UBE2M: variants seen among roughly 807,000 people sequenced by gnomAD.
UBE2M encodes NEDD8-conjugating enzyme Ubc12.
In UBE2M, 2 loss-of-function variants were observed where a neutral mutation model predicts 23.5. The ratio of observed to expected loss-of-function variants is 0.09; its 90% CI spans 0.03 to 0.27. UBE2M has a LOEUF of 0.27. UBE2M is among the 10% of genes least tolerant of loss of function. UBE2M has a pLI of 1.00. For synonymous variants in UBE2M, 97 were observed against 95.2 expected (o/e 1.02, Z -0.11); for missense variants, 103 against 232.9 (o/e 0.44, Z 3.63).
Position 58,556,678 on chromosome 19 carries a change from T to TG in UBE2M, c.347+8dup. On this transcript the variant is annotated intron_variant, in intron 4 of 5. Transcript: ENST00000253023. This position sits in a 1 kb window ranked among gnomAD's most constrained non-coding sequence, Gnocchi z 4.9. ...GCTGAGGAGGGCATTAGAGGGCCAG[T>TG]GTCCTCACCTGAGGATGTTGAGGCA... The TG allele has an allele frequency of 6.6e-7, 1 of 1,521,788 alleles. No individual in the cohort carries two copies. The highest frequency in any genetic ancestry group is 8.8e-7 in the Non-Finnish European group (1 of 1,137,170). 94.3% of individuals were successfully genotyped at this position (1,521,788 alleles called of 1,614,324 possible). A position where few individuals can be genotyped will look rare whatever the true frequency, so the allele number is the denominator to read the frequency against.
Position 58,556,203 on chromosome 19 carries a change from G to A in UBE2M, c.438C>T (p.Asn146=), listed in dbSNP as rs367545229. 13 of 1,614,066 alleles carry A rather than the reference G, an allele frequency of 8.1e-6. No homozygotes were observed. In the African/African-American group the frequency reaches 1.6e-4, roughly 20 times the overall value. ...FLEPNPEDPL[N]KEAAEVLQNN... is the part of the protein sequence containing the mutation. The stretch of plus-strand genomic sequence containing the variant: ...TCTGCAGGACCTCTGCGGCCTCCTT[G>A]TTCAGTGGGTCCTCGGGGTTGGGCT... The change falls in exon 6 of 6, where the codon AAC becomes AAT. Residue 146 remains asparagine, a synonymous_variant. Transcript: ENST00000253023. This position sits in a 1 kb window ranked among gnomAD's most constrained non-coding sequence, Gnocchi z 4.9.
Position 58,558,193 on chromosome 19 carries a change from C to A in UBE2M, c.109+80G>T. ...CTCTGACCCTCAGCAACCGCATTAC[C>A]CCTTCCTGACTCCCACATCACCCTG... On this transcript the variant is annotated intron_variant, in intron 1 of 5. Coordinates refer to ENST00000253023, the MANE Select transcript of UBE2M (RefSeq NM_003969.4). This position sits in a 1 kb window ranked among gnomAD's most constrained non-coding sequence, Gnocchi z 4.7. 4.0e-6 allele frequency: 5 copies of A among 1,260,354 alleles called. No homozygotes were observed. Among genetic ancestry groups the A allele is most frequent in the Non-Finnish European group, 5.5e-6 (5 of 909,490 alleles). 78.1% of individuals were successfully genotyped at this position (1,260,354 alleles called of 1,614,324 possible).
In UBE2M at chr19:58,557,102, G is replaced by A. The variant is rs762655181; in HGVS notation, c.165C>T (p.Asp55=). The change falls in exon 2 of 6, where the codon GAC becomes GAT. Residue 55 remains aspartate (D), a synonymous_variant. Coordinates refer to ENST00000253023, the MANE Select transcript of UBE2M (RefSeq NM_003969.4). ...TGACCAGCTTGAAGTTGAGGAGGTC[G>A]TCTGGATCTGAGAAGCTGATATCAC... ...KTCDISFSDP[D]DLLNFKLVIC... is the part of the protein sequence containing the mutation. 1.9e-6 allele frequency: 3 copies of A among 1,613,994 alleles called. No homozygotes were observed. The highest frequency in any genetic ancestry group is 3.3e-5 in the Admixed American group (2 of 60,006).
intron 1 of UBE2M, among the ~76,000 whole-genome samples, chr19:58,557,645 C>A (rs1028868641): frequency 6.7e-6 from 1 of 150,280 alleles, no homozygotes; most frequent in African/African-American, 2.5e-5. Flanking sequence ...ACTCTCAAGT[C>A]CCCAACCCCC....
Position 58,555,982 on chromosome 19 carries a change from G to A in UBE2M, c.*107C>T. 6.9e-7 allele frequency: 1 copy of A among 1,459,524 alleles called. No individual in the cohort carries two copies. Among genetic ancestry groups the A allele is most frequent in the Non-Finnish European group, 9.2e-7 (1 of 1,090,534 alleles). The allele number at this position is 1,459,524 out of a possible 1,614,324, so 90.4% of individuals were successfully genotyped here. A position where few individuals can be genotyped will look rare whatever the true frequency, so the allele number is the denominator to read the frequency against. ...GAAGGGGAGGCAAGGCCAAGGCAGG[G>A]GATTCCCCCACCGGCCGCCCCCCAA... On this transcript the variant is annotated 3_prime_UTR_variant, in exon 6 of 6. Coordinates refer to ENST00000253023, the MANE Select transcript of UBE2M (RefSeq NM_003969.4).
chr19:58,556,513 G>T lies in UBE2M; in HGVS notation c.348-134C>A. ...AGGCTGGGAGGGAGGGTGTGGAGCA[G>T]GACAGGCCAAGGAGAAAACCAAGGT... On this transcript the variant is annotated intron_variant, in intron 4 of 5. Transcript: ENST00000253023. The surrounding 1 kb of genome is among the most constrained non-coding windows in gnomAD (Gnocchi z 4.9). 8.9e-7 allele frequency: 1 copy of T among 1,127,468 alleles called. No homozygotes were observed. The highest frequency in any genetic ancestry group is 1.3e-6 in the Non-Finnish European group (1 of 789,766). 69.8% of individuals were successfully genotyped at this position (1,127,468 alleles called of 1,614,324 possible). A position where few individuals can be genotyped will look rare whatever the true frequency, so the allele number is the denominator to read the frequency against.
rs2053885123 is a variant in UBE2M at position 58,555,794 on chromosome 19, G to A, written c.*295C>T. On this transcript the variant is annotated 3_prime_UTR_variant, in exon 6 of 6. Transcript: ENST00000253023. ...TGCCTGGGCCCAGCTACCCAGGCCC[G>A]TTGCCCACCCACTCCACAGCCCAGA... The A allele has an allele frequency of 7.0e-6, 3 of 431,338 alleles. No individual in the cohort carries two copies. The highest frequency in any genetic ancestry group is 4.0e-5 in the East Asian group (1 of 24,916). 26.7% of individuals were successfully genotyped at this position (431,338 alleles called of 1,614,324 possible). A position where few individuals can be genotyped will look rare whatever the true frequency, so the allele number is the denominator to read the frequency against.
chr19:58,558,312 T>C lies in UBE2M; in HGVS notation c.70A>G (p.Ser24Gly), dbSNP rs1446903177. Residue 24 changes from serine (S) to glycine (G), a missense_variant, in exon 1 of 6, where the codon AGC (serine) becomes GGC (glycine). By Grantham distance (56) the Ser-to-Gly change is moderately conservative. Coordinates refer to ENST00000253023, the MANE Select transcript of UBE2M (RefSeq NM_003969.4). This position sits in a 1 kb window ranked among gnomAD's most constrained non-coding sequence, Gnocchi z 4.7. ...EESAGGTKGS[S>G]KKASAAQLRI... ...AGCTGCGCCGCCGACGCCTTCTTGC[T>C]GCTGCCCTTGGTGCCGCCCGCCGAC... is the stretch of plus-strand genomic sequence containing the variant. 6.2e-6 allele frequency: 10 copies of C among 1,600,738 alleles called. No homozygotes were observed. The highest frequency in any genetic ancestry group is 8.5e-6 in the Non-Finnish European group (10 of 1,174,266).
rs1391964130 is a variant in UBE2M at position 58,558,302 on chromosome 19, G to A, written c.80C>T (p.Ala27Val). ...CTGGATCCGCAGCTGCGCCGCCGACGCCTTCTTGCTGCTGCCCTTGGTGCC... is the reference window on the plus strand; with the variant it reads ...CTGGATCCGCAGCTGCGCCGCCGACACCTTCTTGCTGCTGCCCTTGGTGCC... Reference protein sequence around the residue: ...AGGTKGSSKKASAAQLRIQKD... With the variant: ...AGGTKGSSKKVSAAQLRIQKD... Residue 27 changes from alanine (A) to valine (V), a missense_variant, in exon 1 of 6, where the codon GCG (alanine) becomes GTG (valine). Ala to Val is a moderately conservative substitution (Grantham distance 64). Transcript: ENST00000253023. The surrounding 1 kb of genome is among the most constrained non-coding windows in gnomAD (Gnocchi z 4.7). 3 of 1,602,540 alleles carry A rather than the reference G, an allele frequency of 1.9e-6. No individual in the cohort carries two copies. The highest frequency in any genetic ancestry group is 2.6e-6 in the Non-Finnish European group (3 of 1,175,368).
chr19:58,557,421 C>T (rs899169709), intron 1 of UBE2M, among the ~76,000 whole-genome samples: 2 of 151,792 alleles, frequency 1.3e-5, no homozygotes, highest in African/African-American at 4.8e-5. Flanking sequence ...CCAGGGTGAC[C>T]CCCAACTTTT....
chr19:58,557,199 G>A (rs978538041), intron 1 of UBE2M, 42 bp from the exon 2 acceptor site: 3 of 1,590,244 alleles, frequency 1.9e-6, no homozygotes, highest in Admixed American at 1.7e-5. Flanking sequence ...AAAGAGGGAG[G>A]GGAAGAGAGA....
At position 58,556,808 on chromosome 19, in the gene UBE2M, A is replaced by G. The variant is rs746223702; in HGVS notation, c.244-18T>C. The G allele has an allele frequency of 6.2e-7, 1 of 1,605,196 alleles. No individual in the cohort carries two copies. The highest frequency in any genetic ancestry group is 1.1e-5 in the South Asian group (1 of 90,388). ...TGGCCCACCTGGCTCCAGGAAAAGA[A>G]AAGAGAGATGGGTAGGTGCCTGGAA... On this transcript the variant is annotated intron_variant, in intron 3 of 5. Coordinates refer to ENST00000253023, the MANE Select transcript of UBE2M (RefSeq NM_003969.4). This position sits in a 1 kb window ranked among gnomAD's most constrained non-coding sequence, Gnocchi z 4.9.
rs2053892740 is a variant in UBE2M at position 58,556,651 on chromosome 19, G to A, written c.347+36C>T. On this transcript the variant is annotated intron_variant, in intron 4 of 5. Coordinates refer to ENST00000253023, the MANE Select transcript of UBE2M (RefSeq NM_003969.4). The surrounding 1 kb of genome is among the most constrained non-coding windows in gnomAD (Gnocchi z 4.9). ...GACCATGAGGGAGGCCTGGCAGGCA[G>A]CGCTGAGGAGGGCATTAGAGGGCCA... 6.7e-7 allele frequency: 1 copy of A among 1,501,200 alleles called. No homozygotes were observed. The highest frequency in any genetic ancestry group is 1.3e-5 in the South Asian group (1 of 74,440). 93.0% of individuals were successfully genotyped at this position (1,501,200 alleles called of 1,614,324 possible). A position where few individuals can be genotyped will look rare whatever the true frequency, so the allele number is the denominator to read the frequency against.
Position 58,558,243 on chromosome 19 carries a change from C to A in UBE2M, c.109+30G>T, listed in dbSNP as rs960615448. The A allele has an allele frequency of 6.3e-7, 1 of 1,587,846 alleles. No homozygotes were observed. Among genetic ancestry groups the A allele is most frequent in the Non-Finnish European group, 8.6e-7 (1 of 1,165,154 alleles). Reference sequence around the variant, plus strand: ...GCCTCAGGCCCTGACCTCCGACCTCCGGCTCCAACCCCATCCCCTGACCCC... The same window carrying A: ...GCCTCAGGCCCTGACCTCCGACCTCAGGCTCCAACCCCATCCCCTGACCCC... On this transcript the variant is annotated intron_variant, in intron 1 of 5. Coordinates refer to ENST00000253023, the MANE Select transcript of UBE2M (RefSeq NM_003969.4). The surrounding 1 kb of genome is among the most constrained non-coding windows in gnomAD (Gnocchi z 4.7).
In UBE2M at chr19:58,556,266, G is replaced by A. The variant is rs541075744; in HGVS notation, c.412-37C>T. The A allele has an allele frequency of 4.3e-5, 70 of 1,613,944 alleles. No homozygotes were observed. The highest frequency in any genetic ancestry group is 5.7e-5 in the Non-Finnish European group (67 of 1,179,916). ...ACAGGTAGGGGGGGTCAACAGGCCA[G>A]AGGGACAGAAGGCCAATCTCCCCAG... On this transcript the variant is annotated intron_variant, in intron 5 of 5. Coordinates refer to ENST00000253023, the MANE Select transcript of UBE2M (RefSeq NM_003969.4). The surrounding 1 kb of genome is among the most constrained non-coding windows in gnomAD (Gnocchi z 4.9).
chr19:58,556,034 A>C lies in UBE2M; in HGVS notation c.*55T>G. 1 of 1,578,378 alleles carries C rather than the reference A, an allele frequency of 6.3e-7. No homozygotes were observed. ...CCCCTACCCATGGCCCCCAATAAAT[A>C]TTTGCAGGGGATGCCAGGGCTTGTG... On this transcript the variant is annotated 3_prime_UTR_variant, in exon 6 of 6. Coordinates refer to ENST00000253023, the MANE Select transcript of UBE2M (RefSeq NM_003969.4). The surrounding 1 kb of genome is among the most constrained non-coding windows in gnomAD (Gnocchi z 4.9).
In UBE2M at chr19:58,558,159, G is replaced by T; in HGVS notation, c.109+114C>A. 2 of 839,222 alleles carry T rather than the reference G, an allele frequency of 2.4e-6. No homozygotes were observed. The highest frequency in any genetic ancestry group is 3.6e-6 in the Non-Finnish European group (2 of 557,216). The allele number at this position is 839,222 out of a possible 1,614,324, so 52.0% of individuals were successfully genotyped here. A position where few individuals can be genotyped will look rare whatever the true frequency, so the allele number is the denominator to read the frequency against. On this transcript the variant is annotated intron_variant, in intron 1 of 5. Transcript: ENST00000253023. The surrounding 1 kb of genome is among the most constrained non-coding windows in gnomAD (Gnocchi z 4.7). ...ACCTCCGACCCCCCCCACGCTCGGG[G>T]CCCTTCACCTCTGACCCTCAGCAAC...
rs898455779 is a variant in UBE2M, at chr19:58,555,895, G to A, written c.*194C>T. ...TCCCATCGCTGAGTGGGTCGGGGGA[G>A]GCAGCGCCGACCTTAATCACATGGT... On this transcript the variant is annotated 3_prime_UTR_variant, in exon 6 of 6. Coordinates refer to ENST00000253023, the MANE Select transcript of UBE2M (RefSeq NM_003969.4). The A allele has an allele frequency of 5.7e-6, 4 of 698,980 alleles. No homozygotes were observed. Among genetic ancestry groups the A allele is most frequent in the African/African-American group, 3.6e-5 (2 of 55,538 alleles). The allele number at this position is 698,980 out of a possible 1,614,324, so 43.3% of individuals were successfully genotyped here. A position where few individuals can be genotyped will look rare whatever the true frequency, so the allele number is the denominator to read the frequency against.
intron 2 of UBE2M, 42 bp downstream of exon 2, chr19:58,557,021 C>T: frequency 1.9e-6 from 3 of 1,613,758 alleles, no homozygotes. Flanking sequence ...AGTGGGGACA[C>T]CCTTGGTTTG....
Sources: allele counts gnomAD v4.1 joint callset (sites outside exome capture counted in the v4.1 genomes callset), GRCh38; gene constraint gnomAD v4.1.1; non-coding constraint Gnocchi (gnomAD v3.1); transcripts MANE v1.5; gene names NCBI Gene and HGNC (gene_info 2026-07-23, HGNC 2026-07-21).